Variants in ROBO2 observed in about 807,000 individuals in gnomAD.
ROBO2 encodes the protein roundabout homolog 2.
A neutral mutation model predicts 160.8 loss-of-function variants in ROBO2; 53 were observed. The observed-to-expected ratio is 0.33, with a 90% CI of 0.26 to 0.41. ROBO2 has a LOEUF of 0.41. Ranked by LOEUF, ROBO2 falls within the 10% of genes least tolerant of loss-of-function variation. The pLI is 1.00. For synonymous variants in ROBO2, 664 were observed against 611.7 expected (o/e 1.09, Z -1.26); for missense variants, 1,577 against 1,722.4 (o/e 0.92, Z 1.49).
intron 2 of ROBO2, among the ~76,000 whole-genome samples, chr3:76,330,754 A>G (rs2073422196): frequency 6.6e-6 from 1 of 152,176 alleles, no homozygotes; most frequent in Non-Finnish European, 1.5e-5. Flanking sequence ...AAAATACCAA[A>G]TGTCTTTTGC....
rs185108273 is a variant in ROBO2 at position 77,593,664 on chromosome 3, G to A, written c.2684-1478G>A. On this transcript the variant is annotated intron_variant, in intron 17 of 25. Coordinates refer to ENST00000461745, the Ensembl canonical transcript of ROBO2. ...ATTACCTGATTATGATAGCATGAGA[G>A]ATAATATTAGTAGATAACCTTAAAG... is the stretch of plus-strand genomic sequence containing the variant. Among the ~76,000 whole-genome samples the A allele has an allele frequency of 1.9e-4, 29 of 152,246 alleles. No individual in the cohort carries two copies. The East Asian group carries it at 4.6e-3, about 24-fold the overall frequency.
intron 2 of ROBO2, among the ~76,000 whole-genome samples, chr3:76,197,614 G>A (rs188668128): frequency 6.6e-6 from 1 of 152,196 alleles, no homozygotes; most frequent in Admixed American, 6.5e-5. Flanking sequence ...GTTATTACCA[G>A]TATCCTGTTT....
intron 2 of ROBO2, among the ~76,000 whole-genome samples, chr3:77,407,268 G>T (rs1266239923): frequency 6.6e-6 from 1 of 152,118 alleles, no homozygotes; most frequent in African/African-American, 2.4e-5. Flanking sequence ...AAAGTCATGA[G>T]TGGGTTGGCC....
At chr3:76,126,870 T>C (rs1319469834) in intron 2 of ROBO2, among the ~76,000 whole-genome samples, 1 of 152,138 alleles carries the variant, frequency 6.6e-6, no homozygotes, top group Non-Finnish European at 1.5e-5. Context: ...GCATATTAAT[T>C]TCTATTAATT....
chr3:77,297,310 C>T (rs1239218471), intron 2 of ROBO2, among the ~76,000 whole-genome samples: 1 of 152,228 alleles, frequency 6.6e-6, no homozygotes, highest in East Asian at 1.9e-4. Flanking sequence ...GTGGTTCTAA[C>T]ATTTAGCCAG....
chr3:77,139,152 A>G (rs745999270), intron 2 of ROBO2, among the ~76,000 whole-genome samples: 4 of 152,154 alleles, frequency 2.6e-5, no homozygotes, highest in African/African-American at 9.7e-5. Context: ...AGAGTTTTTA[A>G]TGTTACTGAG....
chr3:76,688,226 G>A (rs1189072740), intron 2 of ROBO2, among the ~76,000 whole-genome samples: 3 of 151,866 alleles, frequency 2.0e-5, no homozygotes, highest in Non-Finnish European at 4.4e-5. Flanking sequence ...TAAGGAAAAG[G>A]CAAGGCATGC....
At chr3:75,946,721 A>G (rs560555472) in intron 2 of ROBO2, among the ~76,000 whole-genome samples, 12 of 152,238 alleles carry the variant, frequency 7.9e-5, no homozygotes, top group Admixed American at 4.6e-4. Context: ...AGAGCTTGAT[A>G]GTTTCTTACA....
At chr3:76,749,712 T>A (rs1355022531) in intron 2 of ROBO2, among the ~76,000 whole-genome samples, 1 of 152,090 alleles carries the variant, frequency 6.6e-6, no homozygotes, top group Non-Finnish European at 1.5e-5. Flanking sequence ...AAGATGTTTG[T>A]ATTTTCTACT....
chr3:76,853,922 C>T (rs910047261), intron 2 of ROBO2, among the ~76,000 whole-genome samples: 2 of 151,912 alleles, frequency 1.3e-5, no homozygotes, highest in Non-Finnish European at 2.9e-5. Flanking sequence ...GCTGTATATT[C>T]ACCCAAGGCC....
At chr3:77,178,759 A>T (rs887216906) in intron 2 of ROBO2, among the ~76,000 whole-genome samples, 1 of 152,102 alleles carries the variant, frequency 6.6e-6, no homozygotes, top group South Asian at 2.1e-4. Flanking sequence ...TCTCTTAAAT[A>T]TACTCCTGAA....
chr3:77,617,591 AGAT>A (rs1379318759), exon 22 of ROBO2: 13 of 1,614,054 alleles, frequency 8.1e-6, no homozygotes, highest in African/African-American at 1.3e-5. Flanking sequence ...AACTGGAAGA[AGAT>A]GATGATAGGG....
At chr3:76,433,037 T>C (rs59647981) in intron 2 of ROBO2, among the ~76,000 whole-genome samples, 9,188 of 152,238 alleles carry the variant, frequency 0.06, 568 homozygotes, top group East Asian at 0.25. Flanking sequence ...AATGCAACTT[T>C]ATTATTTAAG....
chr3:75,984,254 T>G (rs2065352901), intron 2 of ROBO2, among the ~76,000 whole-genome samples: 2 of 151,646 alleles, frequency 1.3e-5, no homozygotes, highest in Admixed American at 1.3e-4. Context: ...GTTATTAGAC[T>G]AATTACTAAG....
At chr3:77,075,728 G>GA (rs1191265377) in intron 1 of ROBO2, among the ~76,000 whole-genome samples, 2 of 126,738 alleles carry the variant, frequency 1.6e-5, no homozygotes. Context: ...ACCCAGGCTG[G>GA]AGTGCAATGG....
At chr3:75,954,145 T>C (rs1576284677) in intron 2 of ROBO2, among the ~76,000 whole-genome samples, 2 of 151,850 alleles carry the variant, frequency 1.3e-5, no homozygotes, top group African/African-American at 4.8e-5. Context: ...CCCTGTGATA[T>C]GCTAGGTTGT....
At chr3:76,964,238 A>G (rs1350765960) in intron 2 of ROBO2, among the ~76,000 whole-genome samples, 1 of 152,230 alleles carries the variant, frequency 6.6e-6, no homozygotes, top group Non-Finnish European at 1.5e-5. Context: ...TTGGAATCAC[A>G]TAGGTTTTAA....
intron 2 of ROBO2, among the ~76,000 whole-genome samples, chr3:75,968,104 A>G (rs1396686537): frequency 1.3e-5 from 2 of 151,652 alleles, no homozygotes; most frequent in Non-Finnish European, 3.0e-5. Flanking sequence ...TGACACATGC[A>G]CACATGATCA....
chr3:77,096,767 C>T (rs779224627), intron 1 of ROBO2, among the ~76,000 whole-genome samples: 13 of 152,178 alleles, frequency 8.5e-5, no homozygotes, highest in South Asian at 2.1e-4. Flanking sequence ...CGATTTCTTA[C>T]GCCCCTTATG....
Sources: gnomAD v4.1 joint callset for allele counts (sites outside exome capture counted in the v4.1 genomes callset) on GRCh38, gnomAD v4.1.1 for gene constraint, MANE v1.5 for transcripts, NCBI Gene and HGNC (gene_info 2026-07-23, HGNC 2026-07-21) for gene names.